The following VPS16 variants were observed in gnomAD, a reference collection of about 807,000 sequenced individuals.
VPS16 encodes the protein vacuolar protein sorting-associated protein 16 homolog.
VPS16 carries 82 observed loss-of-function variants against 116.0 expected under a neutral mutation model. That is an observed-to-expected ratio of 0.71 (90% CI 0.59 to 0.85). The LOEUF (loss-of-function observed/expected upper bound fraction) is 0.85. Ranked by LOEUF, VPS16 falls within the 40% of genes least tolerant of loss-of-function variation. VPS16 has a pLI of 0.00. For missense variants in VPS16, 928 were observed against 1,090.6 expected, an observed-to-expected ratio of 0.85 and a Z score of 2.10; for synonymous variants, 406 against 420.7, an observed-to-expected ratio of 0.96 and a Z score of 0.43.
At chr20:2,852,153 G>T (rs965320121) in intron 1 of VPS16, among the ~76,000 whole-genome samples, 2 of 152,146 alleles carry the variant, frequency 1.3e-5, no homozygotes, top group South Asian at 4.1e-4. Flanking sequence ...GGAAAGTGCT[G>T]CGATGTTGCT....
chr20:2,848,636 A>C (rs1160438605), intron 1 of VPS16, among the ~76,000 whole-genome samples: 1 of 152,172 alleles, frequency 6.6e-6, no homozygotes, highest in African/African-American at 2.4e-5. Context: ...GCTGCTTGTG[A>C]GTGATGGGGT....
rs78044640 is a variant in VPS16, at chr20:2,863,315, C to T, written c.1393C>T (p.Leu465=). Residue 465 remains leucine, a synonymous_variant, in exon 15 of 24, where the codon CTG becomes TTG. Transcript: ENST00000380445. The surrounding 1 kb of genome is among the most constrained non-coding windows in gnomAD (Gnocchi z 4.4). ...DRLVLRRLYP[L]AIQICEYLRL... ...GCTCGTGTTGCGGAGACTTTACCCC[C>T]TGGCCATCCAGATATGCGAGTACTT... 2.8e-3 allele frequency: 4,565 copies of T among 1,614,214 alleles called. 51 individuals carry two copies. Among genetic ancestry groups the T allele is most frequent in the South Asian group, 0.023 (2,138 of 91,086 alleles).
At chr20:2,855,864 A>T (rs1391240603) in intron 1 of VPS16, among the ~76,000 whole-genome samples, 1 of 152,206 alleles carries the variant, frequency 6.6e-6, no homozygotes, top group African/African-American at 2.4e-5. Context: ...GGCCTAAGGG[A>T]ATGTTGTGAT....
chr20:2,858,485 C>T (rs569771718), intron 1 of VPS16, among the ~76,000 whole-genome samples: 1 of 152,194 alleles, frequency 6.6e-6, no homozygotes, highest in East Asian at 1.9e-4. Flanking sequence ...ATAAACATCT[C>T]TTTATTTTTT....
intron 1 of VPS16, among the ~76,000 whole-genome samples, chr20:2,847,471 C>T (rs921859964): frequency 2.1e-5 from 3 of 142,526 alleles, no homozygotes; most frequent in South Asian, 2.2e-4. Context: ...AAAATCAAAC[C>T]GCCCCCTCTA....
chr20:2,861,325 C>G (rs1371740256), intron 8 of VPS16, 45 bp downstream of exon 8: 1 of 1,612,610 alleles, frequency 6.2e-7, no homozygotes, highest in Non-Finnish European at 8.5e-7. Flanking sequence ...TGAGACATAG[C>G]TTGCTTCCTG....
At chr20:2,845,179 T>C (rs1460221385) in intron 1 of VPS16, among the ~76,000 whole-genome samples, 3 of 151,600 alleles carry the variant, frequency 2.0e-5, no homozygotes, top group Admixed American at 6.6e-5. Context: ...GTGGTGATGG[T>C]GGAGGTGGAG....
intron 1 of VPS16, among the ~76,000 whole-genome samples, chr20:2,847,530 GTGCAA>G (rs2089073010): frequency 6.7e-6 from 1 of 148,200 alleles, no homozygotes; most frequent in Non-Finnish European, 1.5e-5. Flanking sequence ...CCAGGCTGGA[GTGCAA>G]TGGCATGATC....
Position 2,866,652 on chromosome 20 carries a change from A to AGCT in VPS16, c.*79_*81dup. 3 of 1,582,390 alleles carry AGCT rather than the reference A, an allele frequency of 1.9e-6. No individual in the cohort carries two copies. The East Asian group carries it at 6.7e-5, about 35-fold the overall frequency. ...TTGGCAGAAGGGCCATAGTTCATCC[A>AGCT]GCTCCTCCCCTAGAGCAATGCTGAG... is the stretch of plus-strand genomic sequence containing the variant. On this transcript the variant is annotated 3_prime_UTR_variant, in exon 24 of 24. Coordinates refer to ENST00000380445, the MANE Select transcript of VPS16 (RefSeq NM_022575.4).
chr20:2,863,120 G>T lies in VPS16; in HGVS notation c.1367+20G>T, dbSNP rs775356984. On this transcript the variant is annotated intron_variant, in intron 14 of 23. Transcript: ENST00000380445. This position sits in a 1 kb window ranked among gnomAD's most constrained non-coding sequence, Gnocchi z 4.4. ...GGACAGGTAGGGTAAGCCCAAGGGTGCAGTGAGCGGGCTGTCAGGGGGGTG... is the reference window on the plus strand; with the variant it reads ...GGACAGGTAGGGTAAGCCCAAGGGTTCAGTGAGCGGGCTGTCAGGGGGGTG... The T allele has an allele frequency of 6.2e-7, 1 of 1,613,880 alleles. No homozygotes were observed. Among genetic ancestry groups the T allele is most frequent in the South Asian group, 1.1e-5 (1 of 91,088 alleles).
At chr20:2,854,468 GAGAA>G in intron 1 of VPS16, among the ~76,000 whole-genome samples, 1 of 151,646 alleles carries the variant, frequency 6.6e-6, no homozygotes, top group African/African-American at 2.4e-5. Context: ...AAACGAGAGA[GAGAA>G]AGAAAAAAAT....
intron 1 of VPS16, among the ~76,000 whole-genome samples, chr20:2,843,150 T>C (rs1484580305): frequency 6.6e-6 from 1 of 152,168 alleles, no homozygotes; most frequent in East Asian, 1.9e-4. Context: ...GCCTGTGCAA[T>C]TGGCCGAGCG....
intron 1 of VPS16, 67 bp from the exon 2 acceptor site, chr20:2,859,652 C>G: frequency 6.5e-7 from 1 of 1,540,188 alleles, no homozygotes; most frequent in Non-Finnish European, 8.9e-7. Context: ...TTAGGAATTC[C>G]TCTGGGGTTC....
chr20:2,862,461 T>C (rs1600001689), intron 11 of VPS16, 118 bp from the exon 12 acceptor site: 1 of 1,501,490 alleles, frequency 6.7e-7, no homozygotes. Flanking sequence ...GAGTTGGGGC[T>C]CCAGCCTGTG....
At chr20:2,858,419 T>C (rs1163542183) in intron 1 of VPS16, among the ~76,000 whole-genome samples, 3 of 152,210 alleles carry the variant, frequency 2.0e-5, no homozygotes, top group African/African-American at 4.8e-5. Flanking sequence ...TTGGATTTTC[T>C]AAGTAGACAA....
At chr20:2,856,112 A>G (rs1172533060) in intron 1 of VPS16, among the ~76,000 whole-genome samples, 1 of 151,868 alleles carries the variant, frequency 6.6e-6, no homozygotes, top group Non-Finnish European at 1.5e-5. Context: ...GAGATTTGCC[A>G]CTCTTCTTTC....
At chr20:2,843,994 G>T (rs966468253) in intron 1 of VPS16, among the ~76,000 whole-genome samples, 1 of 152,166 alleles carries the variant, frequency 6.6e-6, no homozygotes, top group African/African-American at 2.4e-5. Context: ...CATGAGGTAG[G>T]TACCATCTTA....
chr20:2,840,956 G>T, intron 1 of VPS16, 129 bp downstream of exon 1: 1 of 887,352 alleles, frequency 1.1e-6, no homozygotes, highest in South Asian at 1.7e-5. Context: ...CTCCCCGAGC[G>T]TCTGCCACTT....
chr20:2,859,157 G>A (rs148948995), intron 1 of VPS16, among the ~76,000 whole-genome samples: 5 of 152,138 alleles, frequency 3.3e-5, no homozygotes, highest in African/African-American at 1.2e-4. Context: ...AATTAGCCAG[G>A]TGTGGTAGTG....
Sources: gnomAD v4.1 joint callset for allele counts (sites outside exome capture counted in the v4.1 genomes callset) on GRCh38, gnomAD v4.1.1 for gene constraint, Gnocchi (gnomAD v3.1) non-coding constraint, MANE v1.5 for transcripts, NCBI Gene and HGNC (gene_info 2026-07-23, HGNC 2026-07-21) for gene names.